The following SEMA3A variants were observed in gnomAD, a reference collection of about 807,000 sequenced individuals.
SEMA3A encodes semaphorin-3A.
A neutral mutation model predicts 97.9 loss-of-function variants in SEMA3A; 29 were observed. The ratio of observed to expected loss-of-function variants is 0.30; its 90% CI spans 0.22 to 0.40. The LOEUF is 0.40. Among genes scored for constraint, SEMA3A ranks in the 10% least tolerant of loss-of-function variants. The probability of loss-of-function intolerance (pLI) is 1.00; values close to 1 mark genes in which losing one functional copy is unlikely to be tolerated. For missense variants in SEMA3A, 763 were observed against 951.3 expected (o/e 0.80, Z 2.60); for synonymous variants, 321 against 323.7 (o/e 0.99, Z 0.09).
At chr7:84,024,827 C>T (rs189304519) in intron 6 of SEMA3A, among the ~76,000 whole-genome samples, 1 of 152,112 alleles carries the variant, frequency 6.6e-6, no homozygotes, top group Non-Finnish European at 1.5e-5. Flanking sequence ...GTGGCTCATG[C>T]CTGTAATCCC....
intron 15 of SEMA3A, among the ~76,000 whole-genome samples, chr7:83,964,975 CAG>C (rs1788613409): frequency 6.6e-6 from 1 of 152,066 alleles, no homozygotes; most frequent in Non-Finnish European, 1.5e-5. Context: ...CTATGGCCAA[CAG>C]GGGCTGGAAA....
intron 1 of SEMA3A, among the ~76,000 whole-genome samples, chr7:84,178,740 G>C (rs1797649223): frequency 6.6e-6 from 1 of 152,046 alleles, no homozygotes; most frequent in Non-Finnish European, 1.5e-5. Flanking sequence ...GACAATTACT[G>C]ACTACCTCTT....
chr7:84,107,388 G>A (rs1028773786), intron 4 of SEMA3A, among the ~76,000 whole-genome samples: 26 of 152,274 alleles, frequency 1.7e-4, no homozygotes, highest in African/African-American at 6.3e-4. Flanking sequence ...TTCATAGATT[G>A]ACTGTCTAGA....
intron 1 of SEMA3A, among the ~76,000 whole-genome samples, chr7:84,405,077 C>T (rs1288322701): frequency 6.6e-6 from 1 of 152,066 alleles, no homozygotes; most frequent in Non-Finnish European, 1.5e-5. Flanking sequence ...GCTAAATGCT[C>T]CAATTAAAAG....
intron 1 of SEMA3A, among the ~76,000 whole-genome samples, chr7:84,174,312 T>C (rs1439165958): frequency 6.6e-6 from 1 of 152,188 alleles, no homozygotes; most frequent in African/African-American, 2.4e-5. Context: ...GAAAAAACTC[T>C]GGAAATTTTA....
At chr7:84,257,545 A>G (rs763247323) in intron 3 of SEMA3A, among the ~76,000 whole-genome samples, 3 of 152,188 alleles carry the variant, frequency 2.0e-5, no homozygotes, top group Non-Finnish European at 4.4e-5. Flanking sequence ...ACTAGCTATA[A>G]CACTGAAGTC....
At chr7:84,144,117 T>C (rs937506885) in intron 1 of SEMA3A, among the ~76,000 whole-genome samples, 1 of 151,670 alleles carries the variant, frequency 6.6e-6, no homozygotes, top group African/African-American at 2.4e-5. Flanking sequence ...TGGGGCTTCA[T>C]GAGAAACACA....
At chr7:84,133,014 T>C (rs1336498914) in intron 2 of SEMA3A, among the ~76,000 whole-genome samples, 1 of 152,102 alleles carries the variant, frequency 6.6e-6, no homozygotes, top group African/African-American at 2.4e-5. Flanking sequence ...TTTCTTTTGG[T>C]AAAACAACAA....
At chr7:84,491,508 A>G (rs1357538367) in intron 1 of SEMA3A, among the ~76,000 whole-genome samples, 2 of 152,154 alleles carry the variant, frequency 1.3e-5, no homozygotes, top group African/African-American at 4.8e-5. Flanking sequence ...TTTATTTCTT[A>G]CATGAAGCAT....
At chr7:84,004,975 A>T (rs943793370) in intron 11 of SEMA3A, among the ~76,000 whole-genome samples, 1 of 152,134 alleles carries the variant, frequency 6.6e-6, no homozygotes, top group African/African-American at 2.4e-5. Context: ...CCTTCTCTGT[A>T]GCCTACTCAA....
At chr7:84,196,256 G>C (rs1045319953), upstream of SEMA3A, among the ~76,000 whole-genome samples, 1 of 152,072 alleles carries the variant, frequency 6.6e-6, no homozygotes, top group Non-Finnish European at 1.5e-5. Context: ...AAGTGGCTTA[G>C]TATTCTTAAG....
intron 3 of SEMA3A, among the ~76,000 whole-genome samples, 162 bp downstream of exon 3, chr7:84,128,961 A>C (rs1437206657): frequency 6.6e-6 from 1 of 152,152 alleles, no homozygotes; most frequent in Non-Finnish European, 1.5e-5. Context: ...TTTTGCTTTT[A>C]GTATTGGGTT....
chr7:84,077,935 CCTAA>C (rs988078100), intron 4 of SEMA3A, among the ~76,000 whole-genome samples: 17 of 151,874 alleles, frequency 1.1e-4, no homozygotes, highest in African/African-American at 2.9e-4. Flanking sequence ...CAAAGTATTG[CCTAA>C]CTATGTAATT....
chr7:83,958,305 A>G lies in SEMA3A; in HGVS notation c.*3066T>C, dbSNP rs980573897. 6.6e-6 allele frequency: 1 copy of G among 152,506 alleles called. No individual in the cohort carries two copies. The highest frequency in any genetic ancestry group is 2.4e-5 in the African/African-American group (1 of 41,428). 9.4% of individuals were successfully genotyped at this position (152,506 alleles called of 1,614,324 possible). ...TTATGAGCTTATGTTCCTTAACACC[A>G]TATGTTATAGGGAACAGTAAAGACA... On this transcript the variant is annotated 3_prime_UTR_variant, in exon 17 of 17. Transcript: ENST00000265362.
intron 3 of SEMA3A, among the ~76,000 whole-genome samples, chr7:84,268,248 C>CGTGTGT (rs1562879382): frequency 9.4e-6 from 1 of 106,588 alleles, no homozygotes; most frequent in Non-Finnish European, 1.9e-5. Context: ...GAGACATAAG[C>CGTGTGT]ATGTGTGTGT....
intron 4 of SEMA3A, among the ~76,000 whole-genome samples, chr7:84,091,009 G>T (rs1387546185): frequency 6.7e-6 from 1 of 150,260 alleles, no homozygotes; most frequent in East Asian, 2.0e-4. Context: ...AGAGTTTGCA[G>T]TGAGCTGAGA....
intron 1 of SEMA3A, among the ~76,000 whole-genome samples, chr7:84,403,522 C>T (rs1316273586): frequency 6.6e-6 from 1 of 152,174 alleles, no homozygotes; most frequent in Non-Finnish European, 1.5e-5. Flanking sequence ...TTAAATGTCC[C>T]TGTCTGACAG....
At chr7:84,064,883 T>C (rs574271229) in intron 4 of SEMA3A, among the ~76,000 whole-genome samples, 1 of 152,168 alleles carries the variant, frequency 6.6e-6, no homozygotes, top group Admixed American at 6.5e-5. Flanking sequence ...TCAACAAGGA[T>C]ACCCAGGAAT....
At chr7:84,030,084 A>T (rs750474077) in intron 6 of SEMA3A, among the ~76,000 whole-genome samples, 100 of 152,282 alleles carry the variant, frequency 6.6e-4, no homozygotes, top group Non-Finnish European at 7.6e-4. Context: ...GAAGTAATTA[A>T]AACATTTTTC....
Sources: gnomAD v4.1 joint callset for allele counts (sites outside exome capture counted in the v4.1 genomes callset) on GRCh38, gnomAD v4.1.1 for gene constraint, MANE v1.5 for transcripts, NCBI Gene and HGNC (gene_info 2026-07-23, HGNC 2026-07-21) for gene names.